Variants in OSBPL8 observed in about 807,000 individuals in gnomAD.
OSBPL8 encodes oxysterol binding protein like 8, also known as oxysterol-binding protein-related protein 8.
A neutral mutation model predicts 125.5 loss-of-function variants in OSBPL8; 59 were observed. The ratio of observed to expected loss-of-function variants is 0.47; its 90% CI spans 0.38 to 0.58. The LOEUF is 0.58. Ranked by LOEUF, OSBPL8 falls within the 20% of genes least tolerant of loss-of-function variation. The pLI is 0.00. For missense variants in OSBPL8, 758 were observed against 1,047.8 expected, an observed-to-expected ratio of 0.72 and a Z score of 3.82; for synonymous variants, 330 against 338.9, an observed-to-expected ratio of 0.97 and a Z score of 0.29.
chr12:76,356,053 T>C, intron 23 of OSBPL8, 32 bp from the exon 24 acceptor site: 1 of 1,588,710 alleles, frequency 6.3e-7, no homozygotes, highest in Non-Finnish European at 8.6e-7. Context: ...AATTTTGTAA[T>C]GATTTGCCAG....
chr12:76,429,286 A>G (rs1237609699), intron 4 of OSBPL8, among the ~76,000 whole-genome samples: 1 of 107,998 alleles, frequency 9.3e-6, no homozygotes, highest in Non-Finnish European at 2.3e-5. Context: ...ATAATTTCAT[A>G]TATATAATTA....
chr12:76,526,000 A>G (rs1027664074), intron 1 of OSBPL8, among the ~76,000 whole-genome samples: 6 of 152,248 alleles, frequency 3.9e-5, no homozygotes, highest in East Asian at 1.9e-4. Flanking sequence ...GAAATAGTCT[A>G]TATCTTCACT....
intron 7 of OSBPL8, among the ~76,000 whole-genome samples, chr12:76,398,348 T>C (rs1462107772): frequency 6.6e-6 from 1 of 152,214 alleles, no homozygotes; most frequent in African/African-American, 2.4e-5. Flanking sequence ...AAGTATTTGG[T>C]GAGTGGTAGG....
At chr12:76,493,983 T>A (rs1879007076) in intron 1 of OSBPL8, among the ~76,000 whole-genome samples, 2 of 152,190 alleles carry the variant, frequency 1.3e-5, no homozygotes, top group African/African-American at 4.8e-5. Flanking sequence ...CAGTCTCTAT[T>A]GCGCTGTTCT....
chr12:76,453,113 C>T (rs1212615781), intron 3 of OSBPL8, among the ~76,000 whole-genome samples: 1 of 151,720 alleles, frequency 6.6e-6, no homozygotes, highest in African/African-American at 2.4e-5. Flanking sequence ...TAGTTTATTG[C>T]TTTTCTTCCT....
intron 2 of OSBPL8, among the ~76,000 whole-genome samples, chr12:76,460,585 T>C (rs1874602050): frequency 2.0e-5 from 3 of 151,502 alleles, no homozygotes. Context: ...AAATCAAGCA[T>C]AGTATTTGGA....
At chr12:76,403,465 T>C (rs1452678357) in intron 5 of OSBPL8, among the ~76,000 whole-genome samples, 7 of 152,186 alleles carry the variant, frequency 4.6e-5, no homozygotes, top group Non-Finnish European at 8.8e-5. Context: ...CTCAGGAAGG[T>C]TGATTTTCCA....
chr12:76,452,358 G>GTA (rs1382342376), intron 3 of OSBPL8, among the ~76,000 whole-genome samples: 1 of 152,054 alleles, frequency 6.6e-6, no homozygotes, highest in East Asian at 1.9e-4. Flanking sequence ...TTAAAAAAAT[G>GTA]TATAGACTGA....
At chr12:76,489,311 G>C (rs1194519410) in intron 1 of OSBPL8, among the ~76,000 whole-genome samples, 7 of 152,174 alleles carry the variant, frequency 4.6e-5, no homozygotes, top group Non-Finnish European at 1.0e-4. Context: ...TTTCAATATA[G>C]ATGAAATAGC....
intron 1 of OSBPL8, among the ~76,000 whole-genome samples, chr12:76,541,748 G>A (rs937681538): frequency 2.0e-5 from 3 of 151,344 alleles, no homozygotes; most frequent in African/African-American, 2.4e-5. Flanking sequence ...CCAGCTATTC[G>A]AGAGGCTGAG....
intron 2 of OSBPL8, among the ~76,000 whole-genome samples, chr12:76,486,290 TAA>T (rs1878123890): frequency 6.6e-6 from 1 of 152,134 alleles, no homozygotes; most frequent in African/African-American, 2.4e-5. Context: ...TTCACTAAAC[TAA>T]AATTTACAAA....
At position 76,354,544 on chromosome 12, in the gene OSBPL8, AC is replaced by A. The variant is rs747430162; in HGVS notation, c.*1344del. 6 of 152,036 alleles carry A rather than the reference AC, an allele frequency of 3.9e-5. No homozygotes were observed. The highest frequency in any genetic ancestry group is 6.6e-5 in the Admixed American group (1 of 15,264). The allele number at this position is 152,036 out of a possible 1,614,324, so 9.4% of individuals were successfully genotyped here. ...TCTGACCTTCATTTTCATTAAAAAA[AC>A]ATTTCAAAATCTATGCTTTCAGGAT... On this transcript the variant is annotated 3_prime_UTR_variant, in exon 24 of 24. Coordinates refer to ENST00000261183, the MANE Select transcript of OSBPL8 (RefSeq NM_020841.5).
intron 1 of OSBPL8, among the ~76,000 whole-genome samples, chr12:76,507,919 C>T (rs1056350430): frequency 1.3e-5 from 2 of 151,400 alleles, no homozygotes; most frequent in African/African-American, 2.4e-5. Flanking sequence ...GCCTGAAATC[C>T]CAGCACTTTG....
intron 1 of OSBPL8, among the ~76,000 whole-genome samples, chr12:76,520,268 C>T (rs1881943524): frequency 6.6e-6 from 1 of 152,182 alleles, no homozygotes; most frequent in African/African-American, 2.4e-5. Flanking sequence ...AATATGGACT[C>T]CATTTCTTCT....
intron 4 of OSBPL8, among the ~76,000 whole-genome samples, chr12:76,411,584 T>TA (rs997299397): frequency 6.6e-6 from 1 of 151,450 alleles, no homozygotes; most frequent in African/African-American, 2.4e-5. Context: ...ATGTAACAGC[T>TA]AAAAAAAACT....
At position 76,499,659 on chromosome 12, in the gene OSBPL8, T is replaced by C. The variant is rs182943460; in HGVS notation, c.-67-12041A>G. The stretch of plus-strand genomic sequence containing the variant: ...AGAGGTCAGGAGTTTGAGACCAGCC[T>C]GGCCAAAATGTTGAAACCTCGTCTC... On this transcript the variant is annotated intron_variant, in intron 1 of 23. Transcript: ENST00000261183. Among the ~76,000 whole-genome samples, 7 of 152,184 alleles carry C rather than the reference T, an allele frequency of 4.6e-5. No homozygotes were observed. In the East Asian group the frequency reaches 1.4e-3, roughly 29 times the overall value.
At chr12:76,418,304 C>T (rs532561160) in intron 4 of OSBPL8, among the ~76,000 whole-genome samples, 53 of 152,048 alleles carry the variant, frequency 3.5e-4, no homozygotes, top group Non-Finnish European at 4.3e-4. Context: ...TGTGCCAGGC[C>T]GATTTTCACT....
intron 4 of OSBPL8, among the ~76,000 whole-genome samples, chr12:76,418,584 G>A (rs1023162002): frequency 1.3e-5 from 2 of 152,002 alleles, no homozygotes; most frequent in African/African-American, 2.4e-5. Context: ...TAATCTCAGC[G>A]CTTCGGGAGG....
At chr12:76,545,648 T>C (rs767245598) in intron 1 of OSBPL8, among the ~76,000 whole-genome samples, 1 of 152,232 alleles carries the variant, frequency 6.6e-6, no homozygotes, top group Non-Finnish European at 1.5e-5. Flanking sequence ...TGCCTAACTC[T>C]GCCCAGGATG....
Sources: allele counts gnomAD v4.1 joint callset (sites outside exome capture counted in the v4.1 genomes callset), GRCh38; gene constraint gnomAD v4.1.1; transcripts MANE v1.5; gene names NCBI Gene and HGNC (gene_info 2026-07-23, HGNC 2026-07-21).